Variants in CTNND2 observed in about 807,000 individuals in gnomAD.
CTNND2 encodes catenin delta 2.
CTNND2 carries 22 observed loss-of-function variants against 144.4 expected under a neutral mutation model. The observed-to-expected ratio is 0.15, with a 90% CI of 0.11 to 0.22. The LOEUF (loss-of-function observed/expected upper bound fraction) is 0.22, where lower values mean the gene tolerates loss of function less well. Ranked by LOEUF, CTNND2 falls within the 10% of genes least tolerant of loss-of-function variation. CTNND2 has a pLI of 1.00. For synonymous variants in CTNND2, 751 were observed against 695.6 expected (o/e 1.08, Z -1.25); for missense variants, 1,353 against 1,618.8 (o/e 0.84, Z 2.82).
chr5:11,069,368 G>C (rs546757926), intron 16 of CTNND2, among the ~76,000 whole-genome samples: 12 of 152,266 alleles, frequency 7.9e-5, no homozygotes, highest in African/African-American at 2.4e-4. Context: ...AATTTGTCTT[G>C]GAATATGGGT....
intron 2 of CTNND2, among the ~76,000 whole-genome samples, chr5:11,623,085 C>A (rs1780932988): frequency 6.6e-6 from 1 of 152,118 alleles, no homozygotes; most frequent in Non-Finnish European, 1.5e-5. Flanking sequence ...GATATTTTTC[C>A]AGCAGAAATA....
At chr5:11,740,033 T>A (rs1403630453) in intron 1 of CTNND2, among the ~76,000 whole-genome samples, 1 of 152,022 alleles carries the variant, frequency 6.6e-6, no homozygotes, top group Non-Finnish European at 1.5e-5. Flanking sequence ...CTCAACGAAA[T>A]AAAAGAGGAC....
At chr5:11,825,542 C>T (rs1459822371) in intron 1 of CTNND2, among the ~76,000 whole-genome samples, 1 of 152,030 alleles carries the variant, frequency 6.6e-6, no homozygotes, top group Non-Finnish European at 1.5e-5. Flanking sequence ...GAAATAATTC[C>T]TGAGAATTTC....
intron 15 of CTNND2, among the ~76,000 whole-genome samples, chr5:11,090,033 T>G (rs1010515998): frequency 9.2e-5 from 14 of 152,032 alleles, no homozygotes; most frequent in African/African-American, 3.1e-4. Context: ...GATAGATAGA[T>G]AAATAAAATG....
Position 11,127,058 on chromosome 5 carries a change from G to C in CTNND2, c.2160-9491C>G, listed in dbSNP as rs796857398. ...ATCCGTGCAGGGGTGGGGTCTGCAG[G>C]CTCCAACCAAGGACAGGACCTGGCA... On this transcript the variant is annotated intron_variant, in intron 12 of 21. Transcript: ENST00000304623. 1.3e-5 allele frequency among the ~76,000 whole-genome samples: 2 copies of C among 152,328 alleles called. 1 individual carries two copies. The highest frequency in any genetic ancestry group is 3.9e-4 in the East Asian group (2 of 5,188).
At chr5:11,099,395 T>C (rs1751658175) in intron 14 of CTNND2, among the ~76,000 whole-genome samples, 1 of 152,210 alleles carries the variant, frequency 6.6e-6, no homozygotes, top group Non-Finnish European at 1.5e-5. Flanking sequence ...AATAATAGGA[T>C]AATGTGTAAT....
intron 1 of CTNND2, among the ~76,000 whole-genome samples, chr5:11,849,290 A>T (rs1210929804): frequency 2.0e-5 from 3 of 152,160 alleles, no homozygotes; most frequent in Admixed American, 1.3e-4. Flanking sequence ...TGATTCAATT[A>T]TCTCCCACCA....
intron 5 of CTNND2, among the ~76,000 whole-genome samples, chr5:11,402,386 T>C (rs1024331854): frequency 5.9e-5 from 9 of 152,152 alleles, no homozygotes; most frequent in Admixed American, 2.6e-4. Context: ...ATGAGAAAAA[T>C]TGTTGATTAT....
chr5:11,673,274 G>A (rs1784003735), intron 2 of CTNND2, among the ~76,000 whole-genome samples: 1 of 152,102 alleles, frequency 6.6e-6, no homozygotes, highest in African/African-American at 2.4e-5. Flanking sequence ...AAGACAGAAA[G>A]CAATTGCTGT....
intron 1 of CTNND2, among the ~76,000 whole-genome samples, chr5:11,781,245 A>G (rs1399431724): frequency 6.6e-6 from 1 of 152,038 alleles, no homozygotes; most frequent in Non-Finnish European, 1.5e-5. Flanking sequence ...GTTAGGTGGA[A>G]CCAAGATTGA....
chr5:11,527,977 A>G (rs2150050575), intron 3 of CTNND2, among the ~76,000 whole-genome samples: 1 of 152,364 alleles, frequency 6.6e-6, no homozygotes, highest in South Asian at 2.1e-4. Flanking sequence ...AAAAGTAAAT[A>G]AACTAGAATA....
At chr5:11,595,353 A>G (rs567574271) in intron 2 of CTNND2, among the ~76,000 whole-genome samples, 2 of 152,316 alleles carry the variant, frequency 1.3e-5, no homozygotes, top group Non-Finnish European at 2.9e-5. Context: ...AAATAGAACC[A>G]TTGGTACTAA....
chr5:11,008,129 CT>C (rs1166382709), intron 18 of CTNND2, among the ~76,000 whole-genome samples: 2 of 152,126 alleles, frequency 1.3e-5, no homozygotes, highest in African/African-American at 4.8e-5. Context: ...TTATATCAGA[CT>C]TTGATCATTA....
intron 11 of CTNND2, among the ~76,000 whole-genome samples, chr5:11,187,702 T>A (rs1004323238): frequency 6.6e-6 from 1 of 152,014 alleles, no homozygotes; most frequent in Non-Finnish European, 1.5e-5. Flanking sequence ...TTGCAGTCTA[T>A]CTATCTGCAA....
chr5:11,768,116 C>T (rs145473552), intron 1 of CTNND2, among the ~76,000 whole-genome samples: 6 of 152,058 alleles, frequency 3.9e-5, no homozygotes, highest in African/African-American at 1.2e-4. Context: ...TTACATGCAT[C>T]TTTATGAAAC....
chr5:11,083,467 A>C (rs1216840947), intron 15 of CTNND2, among the ~76,000 whole-genome samples: 1 of 152,222 alleles, frequency 6.6e-6, no homozygotes, highest in African/African-American at 2.4e-5. Flanking sequence ...CAGGGCCATA[A>C]TTCAATGTCT....
intron 8 of CTNND2, among the ~76,000 whole-genome samples, chr5:11,350,526 A>C (rs946671146): frequency 3.3e-5 from 5 of 152,194 alleles, no homozygotes; most frequent in Admixed American, 1.3e-4. Flanking sequence ...GTGTAGTTTC[A>C]GCCTTGTCAA....
At chr5:11,485,171 T>C (rs541320177) in intron 3 of CTNND2, among the ~76,000 whole-genome samples, 41 of 152,296 alleles carry the variant, frequency 2.7e-4, no homozygotes, top group East Asian at 1.9e-3. Context: ...ATGCCTAGCA[T>C]AGACATAACA....
chr5:11,034,601 T>C (rs984571893), intron 16 of CTNND2, among the ~76,000 whole-genome samples: 1 of 152,234 alleles, frequency 6.6e-6, no homozygotes, highest in African/African-American at 2.4e-5. Context: ...AGGAAGGACA[T>C]TGTGAGGAGT....
Sources: allele counts gnomAD v4.1 joint callset (sites outside exome capture counted in the v4.1 genomes callset), GRCh38; gene constraint gnomAD v4.1.1; transcripts MANE v1.5; gene names NCBI Gene and HGNC (gene_info 2026-07-23, HGNC 2026-07-21).